Variants in GALNT13 observed in about 807,000 individuals in gnomAD.
The protein encoded by GALNT13 is UDP-GalNAc:polypeptide N-acetylgalactosaminyltransferase 13.
GALNT13 carries 28 observed loss-of-function variants against 64.2 expected under a neutral mutation model. That is an observed-to-expected ratio of 0.44 (90% confidence interval 0.32 to 0.60). The LOEUF (loss-of-function observed/expected upper bound fraction) is 0.60. Ranked by LOEUF, GALNT13 falls within the 20% of genes least tolerant of loss-of-function variation. The probability of loss-of-function intolerance (pLI) is 0.05; values close to 1 mark genes in which losing one functional copy is unlikely to be tolerated. For missense variants in GALNT13, 577 were observed against 669.8 expected (o/e 0.86, Z 1.53); for synonymous variants, 214 against 224.6 (o/e 0.95, Z 0.42).
the GALNT13 span, among the ~76,000 whole-genome samples, chr2:153,148,519 A>C: frequency 3.0e-4 from 45 of 150,650 alleles, 1 homozygote; most frequent in South Asian, 9.2e-3. Context: ...AGTTGTTTTA[A>C]ATAGGGATTT....
the GALNT13 span, among the ~76,000 whole-genome samples, chr2:153,705,611 C>A: frequency 6.6e-6 from 1 of 152,192 alleles, no homozygotes; most frequent in South Asian, 2.1e-4. Context: ...AAACAGCTAT[C>A]TGAAACATAT....
chr2:153,147,079 A>G, the GALNT13 span, among the ~76,000 whole-genome samples: 8 of 151,998 alleles, frequency 5.3e-5, no homozygotes, highest in South Asian at 1.7e-3. Flanking sequence ...TAGGTGAGGA[A>G]CTGAGTTTCG....
the GALNT13 span, among the ~76,000 whole-genome samples, chr2:153,321,401 A>G: frequency 6.6e-6 from 1 of 152,198 alleles, no homozygotes; most frequent in South Asian, 2.1e-4. Context: ...CTTTGCCTTC[A>G]TGAAATCTGT....
chr2:154,131,676 G>A (rs1447103178), intron 3 of GALNT13, among the ~76,000 whole-genome samples: 1 of 152,162 alleles, frequency 6.6e-6, no homozygotes, highest in Non-Finnish European at 1.5e-5. Flanking sequence ...GGGTGTATTA[G>A]TCAGGGTTCT....
At chr2:153,120,226 C>A in the GALNT13 span, among the ~76,000 whole-genome samples, 1 of 152,150 alleles carries the variant, frequency 6.6e-6, no homozygotes, top group East Asian at 1.9e-4. Flanking sequence ...ACCAAAAAGA[C>A]AAAACAACTA....
chr2:153,608,926 T>C, the GALNT13 span, among the ~76,000 whole-genome samples: 1 of 147,592 alleles, frequency 6.8e-6, no homozygotes, highest in Non-Finnish European at 1.5e-5. Context: ...TCTTTTTTTT[T>C]TTTTTTTGGA....
chr2:153,173,099 G>T, the GALNT13 span: 3 of 91,042 alleles, frequency 3.3e-5, no homozygotes, highest in African/African-American at 7.4e-5. Context: ...CTATATCTAT[G>T]TCTATATCTA....
At chr2:154,186,133 G>T (rs1473127178) in intron 4 of GALNT13, among the ~76,000 whole-genome samples, 1 of 151,836 alleles carries the variant, frequency 6.6e-6, no homozygotes, top group Non-Finnish European at 1.5e-5. Flanking sequence ...TGTAATTTTT[G>T]TTTAAAATCT....
rs565853129 is a variant in GALNT13 at position 154,159,051 on chromosome 2, A to G, written c.311+18546A>G. 2.6e-5 allele frequency among the ~76,000 whole-genome samples: 4 copies of G among 152,178 alleles called. No homozygotes were observed. The East Asian group carries it at 7.7e-4, about 29-fold the overall frequency. On this transcript the variant is annotated intron_variant, in intron 4 of 12. Coordinates refer to ENST00000392825, the MANE Select transcript of GALNT13 (RefSeq NM_052917.4). ...TCTTTTCTTTATTATGAATAAGGAA[A>G]TAAAACATATTTCTTTTCTCACTAA...
chr2:153,630,671 A>T, the GALNT13 span, among the ~76,000 whole-genome samples: 6 of 142,626 alleles, frequency 4.2e-5, no homozygotes, highest in Middle Eastern at 3.6e-3. Context: ...AAAAAAAATT[A>T]AAAAATTAAA....
intron 3 of GALNT13, among the ~76,000 whole-genome samples, chr2:154,132,735 A>T (rs1190325814): frequency 2.1e-5 from 3 of 146,276 alleles, no homozygotes; most frequent in East Asian, 3.9e-4. Context: ...ATGAAAAAAT[A>T]AAAAAAAAAA....
the GALNT13 span, among the ~76,000 whole-genome samples, chr2:153,415,748 A>G: frequency 3.3e-5 from 5 of 152,210 alleles, no homozygotes; most frequent in African/African-American, 1.2e-4. Flanking sequence ...ATACACAAAA[A>G]TAGAAACCTT....
the GALNT13 span, among the ~76,000 whole-genome samples, chr2:153,561,201 A>T: frequency 3.3e-5 from 5 of 151,710 alleles, no homozygotes; most frequent in Non-Finnish European, 5.9e-5. Flanking sequence ...TCCAGTTATA[A>T]TATCTCTGCA....
chr2:153,082,482 T>G, the GALNT13 span, among the ~76,000 whole-genome samples: 1 of 149,536 alleles, frequency 6.7e-6, no homozygotes, highest in East Asian at 2.0e-4. Flanking sequence ...TGCCATTATT[T>G]CATTGCTTTT....
At chr2:154,031,507 A>G (rs12621665) in intron 3 of GALNT13, among the ~76,000 whole-genome samples, 8,069 of 152,060 alleles carry the variant, frequency 0.053, 292 homozygotes, top group South Asian at 0.11. Flanking sequence ...TATACTGTGT[A>G]CAAGAAACCC....
Position 154,443,290 on chromosome 2 carries a change from C to T in GALNT13, c.1530+4564C>T, listed in dbSNP as rs188976504. Among the ~76,000 whole-genome samples the T allele has an allele frequency of 2.7e-3, 404 of 152,112 alleles. 2 individuals carry two copies. The highest frequency in any genetic ancestry group is 9.3e-3 in the African/African-American group (386 of 41,520). On this transcript the variant is annotated intron_variant, in intron 12 of 12. Coordinates refer to ENST00000392825, the MANE Select transcript of GALNT13 (RefSeq NM_052917.4). ...AGTTCCTATATGTTAAATGATTACACTTCATATTTTATAATATTTCTGTTC... is the reference window on the plus strand; with the variant it reads ...AGTTCCTATATGTTAAATGATTACATTTCATATTTTATAATATTTCTGTTC...
At position 154,327,217 on chromosome 2, in the gene GALNT13, C is replaced by T. The variant is rs72867861; in HGVS notation, c.1156+25628C>T. On this transcript the variant is annotated intron_variant, in intron 9 of 12. Coordinates refer to ENST00000392825, the MANE Select transcript of GALNT13 (RefSeq NM_052917.4). ...TTTGTTCGGCATTTCTCCTTCCTGT[C>T]GCCTTGTGAAGGTCGCCTTTGCCTT... Among the ~76,000 whole-genome samples, 834 of 152,170 alleles carry T rather than the reference C, an allele frequency of 5.5e-3. 9 individuals are homozygous for T. Among genetic ancestry groups the T allele is most frequent in the Middle Eastern group, 0.014 (4 of 294 alleles).
chr2:154,269,926 T>TATATATATATATATATATATATATATC (rs1356571076), intron 8 of GALNT13, among the ~76,000 whole-genome samples: 1 of 33,344 alleles, frequency 3.0e-5, no homozygotes, highest in Non-Finnish European at 7.6e-5. Flanking sequence ...ATATATATAT[T>TATATATATATATATATATATATATATC]TCTAAAGCAC....
At chr2:153,116,073 A>T in the GALNT13 span, among the ~76,000 whole-genome samples, 1 of 152,188 alleles carries the variant, frequency 6.6e-6, no homozygotes, top group Non-Finnish European at 1.5e-5. Flanking sequence ...AAACTAAAAA[A>T]TACCAGAATG....
Sources: allele counts gnomAD v4.1 joint callset (sites outside exome capture counted in the v4.1 genomes callset), GRCh38; gene constraint gnomAD v4.1.1; transcripts MANE v1.5; gene names NCBI Gene and HGNC (gene_info 2026-07-23, HGNC 2026-07-21).